The following AAMP variants were observed in gnomAD, a reference collection of about 807,000 sequenced individuals.
AAMP encodes angio associated migratory cell protein.
A neutral mutation model predicts 51.1 loss-of-function variants in AAMP; 12 were observed. The ratio of observed to expected loss-of-function variants is 0.23; its 90% CI spans 0.15 to 0.38. The LOEUF (loss-of-function observed/expected upper bound fraction) is 0.38, where lower values mean the gene tolerates loss of function less well. AAMP is among the 10% of genes least tolerant of loss of function. The pLI is 1.00. For synonymous variants in AAMP, 210 were observed against 218.7 expected (o/e 0.96, Z 0.35); for missense variants, 418 against 557.2 (o/e 0.75, Z 2.52).
chr2:218,266,718 T>C lies in AAMP; in HGVS notation c.534+129A>G, dbSNP rs909443116. On this transcript the variant is annotated intron_variant, in intron 4 of 10. Transcript: ENST00000248450. This position sits in a 1 kb window ranked among gnomAD's most constrained non-coding sequence, Gnocchi z 4.7. The stretch of plus-strand genomic sequence containing the variant: ...GACTTTCCAGGTAGCAGGTAGATAT[T>C]CTTCCTGTGCCTTGGGGCGCATTGG... The C allele has an allele frequency of 1.1e-5, 17 of 1,552,952 alleles. No individual in the cohort carries two copies. Among genetic ancestry groups the C allele is most frequent in the Admixed American group, 9.0e-5 (5 of 55,566 alleles).
Position 218,266,626 on chromosome 2 carries a change from C to T in AAMP, c.535-39G>A. The stretch of plus-strand genomic sequence containing the variant: ...AAGGGGCAGCAGGGAGGCCCGTCAC[C>T]CCATCCCACCTAGAAGCCTGCCCCA... On this transcript the variant is annotated intron_variant, in intron 4 of 10. Transcript: ENST00000248450. This position sits in a 1 kb window ranked among gnomAD's most constrained non-coding sequence, Gnocchi z 4.7. 6.3e-7 allele frequency: 1 copy of T among 1,592,240 alleles called. No individual in the cohort carries two copies. Among genetic ancestry groups the T allele is most frequent in the Non-Finnish European group, 8.6e-7 (1 of 1,165,828 alleles).
Position 218,266,463 on chromosome 2 carries a change from C to T in AAMP, c.659G>A (p.Cys220Tyr). Residue 220 changes from cysteine (C) to tyrosine (Y), a missense_variant, in exon 5 of 11, where the codon TGT (cysteine) becomes TAT (tyrosine). Cys to Tyr is a radical substitution (Grantham distance 194, BLOSUM62 -2). Transcript: ENST00000248450. This position sits in a 1 kb window ranked among gnomAD's most constrained non-coding sequence, Gnocchi z 4.7. The part of the protein sequence containing the change: ...TFQGPNCPAT[C>Y]GRVLPDGKRA... ...CTCACCATCAGGGAGGACTCGGCCA[C>T]AGGTGGCTGGGCAGTTGGGACCCTG... 6.2e-7 allele frequency: 1 copy of T among 1,614,100 alleles called. No individual in the cohort carries two copies. Among genetic ancestry groups the T allele is most frequent in the Admixed American group, 1.7e-5 (1 of 60,028 alleles).
Position 218,264,311 on chromosome 2 carries a change from C to T in AAMP, c.*222G>A. 1 of 566,194 alleles carries T rather than the reference C, an allele frequency of 1.8e-6. No individual in the cohort carries two copies. Among genetic ancestry groups the T allele is most frequent in the South Asian group, 2.3e-5 (1 of 43,794 alleles). 35.1% of individuals were successfully genotyped at this position (566,194 alleles called of 1,614,324 possible). On this transcript the variant is annotated 3_prime_UTR_variant, in exon 11 of 11. Coordinates refer to ENST00000248450, the MANE Select transcript of AAMP (RefSeq NM_001087.5). ...GTGAAAGAGAAACAGGTCCACCCCT[C>T]CCTCTGAAGGGCCCACCAGGTCTGG...
rs1690594907 is a variant in AAMP, at chr2:218,265,248, A to C, written c.1075-74T>G. 6.4e-7 allele frequency: 1 copy of C among 1,559,932 alleles called. No individual in the cohort carries two copies. The highest frequency in any genetic ancestry group is 1.9e-5 in the Admixed American group (1 of 52,978). ...AGAGCCATCTGCTCCCAATTCTCAA[A>C]GAGGGACAGCCACACACAAGGGCCA... is the stretch of plus-strand genomic sequence containing the variant. On this transcript the variant is annotated intron_variant, in intron 9 of 10. Coordinates refer to ENST00000248450, the MANE Select transcript of AAMP (RefSeq NM_001087.5). This position sits in a 1 kb window ranked among gnomAD's most constrained non-coding sequence, Gnocchi z 6.6.
In AAMP at chr2:218,266,798, C is replaced by T; in HGVS notation, c.534+49G>A. On this transcript the variant is annotated intron_variant, in intron 4 of 10. Transcript: ENST00000248450. This position sits in a 1 kb window ranked among gnomAD's most constrained non-coding sequence, Gnocchi z 4.7. ...GAACTGGCCTCCCAAGCTTGCACCCCCAACAACCCAAGGCCCCACAGAGCT... is the reference window on the plus strand; with the variant it reads ...GAACTGGCCTCCCAAGCTTGCACCCTCAACAACCCAAGGCCCCACAGAGCT... The T allele has an allele frequency of 1.2e-6, 2 of 1,608,850 alleles. No homozygotes were observed. Among genetic ancestry groups the T allele is most frequent in the Non-Finnish European group, 8.5e-7 (1 of 1,176,940 alleles).
At position 218,266,683 on chromosome 2, in the gene AAMP, G is replaced by T. The variant is rs1690637043; in HGVS notation, c.535-96C>A. On this transcript the variant is annotated intron_variant, in intron 4 of 10. Transcript: ENST00000248450. This position sits in a 1 kb window ranked among gnomAD's most constrained non-coding sequence, Gnocchi z 4.7. Reference sequence around the variant, plus strand: ...CCACCCAAGGTTTCCTGCCTCTGGGGTTCCGCGGGGACTTTCCAGGTAGCA... The same window carrying T: ...CCACCCAAGGTTTCCTGCCTCTGGGTTTCCGCGGGGACTTTCCAGGTAGCA... 1.2e-5 allele frequency: 18 copies of T among 1,555,760 alleles called. No homozygotes were observed. Among genetic ancestry groups the T allele is most frequent in the East Asian group, 2.3e-5 (1 of 44,282 alleles).
At chr2:218,269,807 G>T (rs185300942) in intron 1 of AAMP, 159 bp downstream of exon 1, 1 of 1,229,752 alleles carries the variant, frequency 8.1e-7, no homozygotes, top group Non-Finnish European at 1.1e-6. Flanking sequence ...CCCCAGCCAG[G>T]CCTGAGAACT....
chr2:218,269,721 G>T, intron 1 of AAMP, 187 bp from the exon 2 acceptor site: 2 of 1,102,304 alleles, frequency 1.8e-6, no homozygotes, highest in Non-Finnish European at 2.6e-6. Flanking sequence ...AGACCGTGCG[G>T]TAAGGGAGGG....
chr2:218,269,568 G>C (rs1690732012), intron 1 of AAMP, 34 bp from the exon 2 acceptor site: 1 of 1,613,890 alleles, frequency 6.2e-7, no homozygotes, highest in Admixed American at 1.7e-5. Context: ...GATGGGGCTC[G>C]GGAGGCGGTA....
rs767436832 is a variant in AAMP at position 218,266,948 on chromosome 2, C to T, written c.433G>A (p.Asp145Asn). The T allele has an allele frequency of 5.0e-6, 8 of 1,614,062 alleles. No homozygotes were observed. In the Admixed American group the frequency reaches 8.3e-5, roughly 17 times the overall value. The change falls in exon 4 of 11, where the codon GAC (aspartate) becomes AAC (asparagine). Residue 145 changes from aspartate to asparagine, a missense_variant. Transcript: ENST00000248450. The surrounding 1 kb of genome is among the most constrained non-coding windows in gnomAD (Gnocchi z 4.7). Reference protein sequence around the residue: ...DSVTCAGFSHDSTLVATGDMS... With the variant: ...DSVTCAGFSHNSTLVATGDMS... ...TCCCCTGTGGCCACTAGAGTGGAGT[C>T]ATGGCTGAAACCAGCACAAGTCACA...
In AAMP at chr2:218,267,453, A is replaced by G. The variant is rs1461278494; in HGVS notation, c.394+41T>C. Reference sequence around the variant, plus strand: ...GGTCAGCCTCCTAAGATCTCCCAAAAGAATATGACCTCTCCCAGGCCTCTA... The same window carrying G: ...GGTCAGCCTCCTAAGATCTCCCAAAGGAATATGACCTCTCCCAGGCCTCTA... On this transcript the variant is annotated intron_variant, in intron 3 of 10. Coordinates refer to ENST00000248450, the MANE Select transcript of AAMP (RefSeq NM_001087.5). The surrounding 1 kb of genome is among the most constrained non-coding windows in gnomAD (Gnocchi z 4.6). 3 of 1,608,010 alleles carry G rather than the reference A, an allele frequency of 1.9e-6. No individual in the cohort carries two copies. Among genetic ancestry groups the G allele is most frequent in the African/African-American group, 2.7e-5 (2 of 74,698 alleles).
In AAMP at chr2:218,269,976, C is replaced by T. The variant is rs779054370; in HGVS notation, c.111G>A (p.Pro37=). The T allele has an allele frequency of 1.2e-6, 2 of 1,614,042 alleles. No homozygotes were observed. The highest frequency in any genetic ancestry group is 1.3e-5 in the African/African-American group (1 of 75,026). ...IIEVVELDPG[P]PDPDDLAQEM... is the part of the protein sequence containing the mutation. ...AGCGGCAGTTCTCACCTGGGTCCGG[C>T]GGACCGGGATCAAGTTCTACCACCT... The change falls in exon 1 of 11, where the codon CCG becomes CCA. Residue 37 remains proline, a synonymous_variant. Coordinates refer to ENST00000248450, the MANE Select transcript of AAMP (RefSeq NM_001087.5).
rs576472895 is a variant in AAMP at position 218,269,612 on chromosome 2, G to C, written c.122-78C>G. 9.3e-6 allele frequency: 15 copies of C among 1,608,128 alleles called. No individual in the cohort carries two copies. In the East Asian group the frequency reaches 3.1e-4, roughly 33 times the overall value. ...GGAGAGAAGCATGAGGAGGCCTGAG[G>C]CTGGGGCGGGTCATGTGGCGAGAAG... On this transcript the variant is annotated intron_variant, in intron 1 of 10. Coordinates refer to ENST00000248450, the MANE Select transcript of AAMP (RefSeq NM_001087.5).
intron 2 of AAMP, among the ~76,000 whole-genome samples, chr2:218,268,217 TCG>T (rs1422522484): frequency 6.6e-6 from 1 of 152,140 alleles, no homozygotes; most frequent in African/African-American, 2.4e-5. Flanking sequence ...TCCACCCGCC[TCG>T]GCCTCCCAAA....
chr2:218,267,123 G>A lies in AAMP; in HGVS notation c.395-137C>T, dbSNP rs1690653317. ...GGCGGGACTGAGCAGAACAGGTGCT[G>A]GAACTCACCACCACTCTAGGAACCA... is the stretch of plus-strand genomic sequence containing the variant. On this transcript the variant is annotated intron_variant, in intron 3 of 10. Coordinates refer to ENST00000248450, the MANE Select transcript of AAMP (RefSeq NM_001087.5). The surrounding 1 kb of genome is among the most constrained non-coding windows in gnomAD (Gnocchi z 4.6). The A allele has an allele frequency of 2.0e-6, 2 of 996,862 alleles. No homozygotes were observed. The highest frequency in any genetic ancestry group is 3.3e-5 in the South Asian group (2 of 60,836). 61.8% of individuals were successfully genotyped at this position (996,862 alleles called of 1,614,324 possible).
At chr2:218,264,877 G>T in intron 10 of AAMP, 143 bp downstream of exon 10, 1 of 1,353,206 alleles carries the variant, frequency 7.4e-7, no homozygotes, top group Non-Finnish European at 1.0e-6. Flanking sequence ...CCACTGGAAT[G>T]GGGGCTGGGC....
chr2:218,269,806 G>T, intron 1 of AAMP, 160 bp downstream of exon 1: 1 of 1,225,464 alleles, frequency 8.2e-7, no homozygotes, highest in Non-Finnish European at 1.1e-6. Flanking sequence ...ACCCCAGCCA[G>T]GCCTGAGAAC....
At chr2:218,268,927 G>A (rs182083330) in intron 2 of AAMP, among the ~76,000 whole-genome samples, 1 of 152,042 alleles carries the variant, frequency 6.6e-6, no homozygotes, top group Non-Finnish European at 1.5e-5. Flanking sequence ...TGGAACTCCC[G>A]ACCTTGTGAT....
chr2:218,267,030 A>G lies in AAMP; in HGVS notation c.395-44T>C. The G allele has an allele frequency of 6.2e-7, 1 of 1,607,488 alleles. No homozygotes were observed. The highest frequency in any genetic ancestry group is 2.2e-5 in the East Asian group (1 of 44,726). On this transcript the variant is annotated intron_variant, in intron 3 of 10. Coordinates refer to ENST00000248450, the MANE Select transcript of AAMP (RefSeq NM_001087.5). The surrounding 1 kb of genome is among the most constrained non-coding windows in gnomAD (Gnocchi z 4.6). ...AGAAAACAGAGGAAAAAAATAGGGT[A>G]CCTGGTGCTGGGGGCATGTGATTCT...
Sources: allele counts gnomAD v4.1 joint callset (sites outside exome capture counted in the v4.1 genomes callset), GRCh38; gene constraint gnomAD v4.1.1; non-coding constraint Gnocchi (gnomAD v3.1); transcripts MANE v1.5; gene names NCBI Gene and HGNC (gene_info 2026-07-23, HGNC 2026-07-21).